The following CDKAL1 variants were observed in gnomAD, a reference collection of about 807,000 sequenced individuals.
The protein encoded by CDKAL1 is CDKAL1 threonylcarbamoyladenosine tRNA methylthiotransferase.
Under a neutral mutation model 68.2 loss-of-function variants are expected in CDKAL1, and 32 were observed. The ratio of observed to expected loss-of-function variants is 0.47; its 90% CI spans 0.35 to 0.63. The LOEUF (loss-of-function observed/expected upper bound fraction) is 0.63, where lower values mean the gene tolerates loss of function less well. Among genes scored for constraint, CDKAL1 ranks in the 30% least tolerant of loss-of-function variants. CDKAL1 has a pLI of 0.00. For missense variants in CDKAL1, 606 were observed against 696.7 expected (o/e 0.87, Z 1.47); for synonymous variants, 234 against 244.3 (o/e 0.96, Z 0.39).
chr6:20,758,847 G>T (rs1185326227), intron 7 of CDKAL1, among the ~76,000 whole-genome samples: 2 of 152,194 alleles, frequency 1.3e-5, no homozygotes, highest in African/African-American at 2.4e-5. Flanking sequence ...GCTTATAAAT[G>T]AATCAGGCAA....
chr6:21,166,019 G>T (rs891100550), intron 13 of CDKAL1, among the ~76,000 whole-genome samples: 1 of 152,140 alleles, frequency 6.6e-6, no homozygotes, highest in African/African-American at 2.4e-5. Flanking sequence ...TGTAGTTCCC[G>T]AATCATCAGA....
intron 4 of CDKAL1, among the ~76,000 whole-genome samples, chr6:20,587,770 C>A (rs1007049270): frequency 6.7e-6 from 1 of 149,470 alleles, no homozygotes; most frequent in East Asian, 2.0e-4. Flanking sequence ...CCTCAAAAAA[C>A]CAACTCAATA....
intron 15 of CDKAL1, among the ~76,000 whole-genome samples, chr6:21,224,141 G>A (rs764067013): frequency 4.9e-4 from 74 of 152,112 alleles, no homozygotes; most frequent in Non-Finnish European, 9.4e-4. Flanking sequence ...ACCCAAAGAT[G>A]TCCATATCCT....
intron 5 of CDKAL1, among the ~76,000 whole-genome samples, chr6:20,700,757 C>T (rs1771314045): frequency 6.6e-6 from 1 of 152,134 alleles, no homozygotes; most frequent in African/African-American, 2.4e-5. Flanking sequence ...ACTGAGCCAC[C>T]TCTTGTATGA....
intron 11 of CDKAL1, among the ~76,000 whole-genome samples, chr6:21,015,810 C>G (rs1005650491): frequency 2.0e-5 from 3 of 151,680 alleles, no homozygotes; most frequent in African/African-American, 7.3e-5. Flanking sequence ...ACCTGTAATC[C>G]CATGGCGCGC....
At chr6:20,597,612 A>G (rs1339618060) in intron 4 of CDKAL1, among the ~76,000 whole-genome samples, 2 of 151,176 alleles carry the variant, frequency 1.3e-5, no homozygotes, top group Non-Finnish European at 2.9e-5. Context: ...ACAGGGTTTC[A>G]CTATGTTGGC....
intron 9 of CDKAL1, among the ~76,000 whole-genome samples, chr6:20,952,336 C>G (rs1168888420): frequency 1.3e-5 from 2 of 152,166 alleles, no homozygotes; most frequent in Non-Finnish European, 2.9e-5. Context: ...CTGGGACTAT[C>G]TTACTGAACC....
intron 4 of CDKAL1, among the ~76,000 whole-genome samples, chr6:20,586,978 GTTTT>G (rs750210435): frequency 2.2e-5 from 1 of 44,452 alleles, no homozygotes; most frequent in Non-Finnish European, 3.8e-5. Context: ...TCCTCCAGGT[GTTTT>G]TTTTTTTTTT....
At chr6:21,188,164 T>TG (rs1312569600) in intron 13 of CDKAL1, among the ~76,000 whole-genome samples, 1 of 152,216 alleles carries the variant, frequency 6.6e-6, no homozygotes, top group Non-Finnish European at 1.5e-5. Flanking sequence ...ATGTCATACT[T>TG]GCAATTTTTT....
At chr6:21,170,431 G>A (rs1582347821) in intron 13 of CDKAL1, among the ~76,000 whole-genome samples, 1 of 152,102 alleles carries the variant, frequency 6.6e-6, no homozygotes, top group Non-Finnish European at 1.5e-5. Context: ...CTAGGTTCAA[G>A]TGATTCTCCT....
chr6:21,073,792 A>G (rs762006593), intron 12 of CDKAL1, among the ~76,000 whole-genome samples: 9 of 152,138 alleles, frequency 5.9e-5, no homozygotes, highest in Non-Finnish European at 1.3e-4. Context: ...TTTCCAGTCT[A>G]TGGCCTGTTT....
intron 6 of CDKAL1, among the ~76,000 whole-genome samples, chr6:20,753,957 ATG>A (rs112105313): frequency 0.26 from 38,967 of 147,380 alleles, 5,299 homozygotes; most frequent in Non-Finnish European, 0.32. Context: ...TATTATCTGT[ATG>A]TGTGTGTGTG....
intron 4 of CDKAL1, among the ~76,000 whole-genome samples, chr6:20,631,583 G>A (rs1767677195): frequency 6.6e-6 from 1 of 152,082 alleles, no homozygotes; most frequent in African/African-American, 2.4e-5. Flanking sequence ...ATAATTAATG[G>A]TGTATTCCTT....
At chr6:20,540,458 C>CT (rs113974981) in intron 2 of CDKAL1, among the ~76,000 whole-genome samples, 17,618 of 142,230 alleles carry the variant, frequency 0.12, 1,385 homozygotes, top group African/African-American at 0.22. Context: ...TCGACTTTGA[C>CT]TTTTTTTTTT....
chr6:20,736,279 A>G (rs2150319819), intron 5 of CDKAL1, among the ~76,000 whole-genome samples: 1 of 152,292 alleles, frequency 6.6e-6, no homozygotes, highest in South Asian at 2.1e-4. Context: ...CTAAGGTGGC[A>G]GAGTTTAAGA....
rs973664745 is a variant in CDKAL1 at position 20,950,723 on chromosome 6, C to T, written c.743-4696C>T. 7.9e-5 allele frequency among the ~76,000 whole-genome samples: 12 copies of T among 151,864 alleles called. No homozygotes were observed. In the South Asian group the frequency reaches 2.1e-3, roughly 26 times the overall value. ...GCTCATGCCGGTAATCCCAGCACTTCGGGAGGCTGAGGTGGGCGGATCACC... is the reference window on the plus strand; with the variant it reads ...GCTCATGCCGGTAATCCCAGCACTTTGGGAGGCTGAGGTGGGCGGATCACC... On this transcript the variant is annotated intron_variant, in intron 9 of 15. Coordinates refer to ENST00000274695, the MANE Select transcript of CDKAL1 (RefSeq NM_017774.3).
At chr6:20,890,191 T>A (rs895814238) in intron 9 of CDKAL1, among the ~76,000 whole-genome samples, 4 of 152,246 alleles carry the variant, frequency 2.6e-5, no homozygotes, top group African/African-American at 9.6e-5. Context: ...CTGTTAGCAC[T>A]CGCCTTGGGC....
intron 15 of CDKAL1, among the ~76,000 whole-genome samples, chr6:21,218,612 C>G (rs1335623250): frequency 1.3e-5 from 2 of 152,188 alleles, no homozygotes; most frequent in East Asian, 1.9e-4. Context: ...GCTTTAAGGT[C>G]TTAGTCCTTG....
chr6:21,033,443 A>G (rs1395594733), intron 11 of CDKAL1, among the ~76,000 whole-genome samples: 2 of 152,156 alleles, frequency 1.3e-5, no homozygotes, highest in Admixed American at 6.6e-5. Context: ...CGTTGATATC[A>G]TAGAAGAAAA....
Sources: allele counts gnomAD v4.1 joint callset (sites outside exome capture counted in the v4.1 genomes callset), GRCh38; gene constraint gnomAD v4.1.1; transcripts MANE v1.5; gene names NCBI Gene and HGNC (gene_info 2026-07-23, HGNC 2026-07-21).